Variants in SEC14L5 observed in about 807,000 individuals in gnomAD.
SEC14L5 encodes the protein SEC14-like protein 5.
SEC14L5 carries 96 observed loss-of-function variants against 84.6 expected under a neutral mutation model. That is an observed-to-expected ratio of 1.13 (90% CI 0.96 to 1.34). The LOEUF (loss-of-function observed/expected upper bound fraction) is 1.34, where lower values mean the gene tolerates loss of function less well. Ranked by LOEUF, SEC14L5 falls within the 40% of genes most tolerant of loss-of-function variation. The pLI, the probability that SEC14L5 is intolerant of heterozygous loss-of-function variation, is 0.00. For synonymous variants in SEC14L5, 546 were observed against 383.4 expected, an observed-to-expected ratio of 1.42 and a Z score of -4.95; for missense variants, 1,224 against 942.5, an observed-to-expected ratio of 1.30 and a Z score of -3.91.
chr16:4,966,751 A>T (rs1050077564), intron 2 of SEC14L5, among the ~76,000 whole-genome samples: 2 of 152,008 alleles, frequency 1.3e-5, no homozygotes, highest in Non-Finnish European at 2.9e-5. Flanking sequence ...CTCAATTTAC[A>T]CCCCAACTAT....
At chr16:5,013,012 C>G (rs767152529) in intron 15 of SEC14L5, among the ~76,000 whole-genome samples, 5 of 151,848 alleles carry the variant, frequency 3.3e-5, no homozygotes, top group Non-Finnish European at 7.4e-5. Context: ...ACTATCATGG[C>G]GGAAGGCAAA....
chr16:4,972,336 C>T (rs1955289583), intron 2 of SEC14L5, among the ~76,000 whole-genome samples: 1 of 152,082 alleles, frequency 6.6e-6, no homozygotes, highest in Admixed American at 6.6e-5. Context: ...ATGAAATACA[C>T]GTAACATAAA....
chr16:4,990,828 C>T lies in SEC14L5; in HGVS notation c.407C>T (p.Ser136Phe). 6.2e-7 allele frequency: 1 copy of T among 1,612,016 alleles called. No homozygotes were observed. Among genetic ancestry groups the T allele is most frequent in the Non-Finnish European group, 8.5e-7 (1 of 1,178,928 alleles). The change falls in exon 5 of 16, where the codon TCT becomes TTT. Residue 136 changes from serine to phenylalanine, a missense_variant. Transcript: ENST00000251170. ...CAGTCTGCCTCACTGGACATTCGGT[C>T]TTTCTTTGGCTTTGAAAATGCCTTG... ...FEQSASLDIR[S>F]FFGFENALEK...
chr16:4,981,379 T>C, intron 2 of SEC14L5, among the ~76,000 whole-genome samples: 1 of 148,680 alleles, frequency 6.7e-6, no homozygotes, highest in East Asian at 2.0e-4. Flanking sequence ...CCCAAAGTGC[T>C]GGGATTACAG....
In SEC14L5 at chr16:5,018,931, C is replaced by T. The variant is rs1955903585; in HGVS notation, c.*3961C>T. The T allele has an allele frequency of 6.6e-6, 1 of 152,148 alleles. No individual in the cohort carries two copies. The highest frequency in any genetic ancestry group is 1.5e-5 in the Non-Finnish European group (1 of 68,036). 9.4% of individuals were successfully genotyped at this position (152,148 alleles called of 1,614,324 possible). ...CGATGGGTTTTTTTGTTTGCCTGAT[C>T]ACTTGCTCCAACCAGCAGCATTAAA... On this transcript the variant is annotated 3_prime_UTR_variant, in exon 16 of 16. Transcript: ENST00000251170.
rs966714843 is a variant in SEC14L5, at chr16:4,990,836, G to C, written c.415G>C (p.Gly139Arg). ...CTCACTGGACATTCGGTCTTTCTTTGGCTTTGAAAATGCCTTGGAGAAGAT... is the reference window on the plus strand; with the variant it reads ...CTCACTGGACATTCGGTCTTTCTTTCGCTTTGAAAATGCCTTGGAGAAGAT... ...SASLDIRSFFGFENALEKIAM... is the reference protein window; with the variant it reads ...SASLDIRSFFRFENALEKIAM... The change falls in exon 5 of 16, where the codon GGC becomes CGC. Residue 139 changes from glycine (G) to arginine (R), a missense_variant. Gly to Arg is a moderately radical substitution (Grantham distance 125, BLOSUM62 -2). Coordinates refer to ENST00000251170, the MANE Select transcript of SEC14L5 (RefSeq NM_014692.2). 14 of 1,611,928 alleles carry C rather than the reference G, an allele frequency of 8.7e-6. No individual in the cohort carries two copies. Among genetic ancestry groups the C allele is most frequent in the Non-Finnish European group, 9.3e-6 (11 of 1,178,972 alleles).
chr16:5,003,387 CTA>C lies in SEC14L5; in HGVS notation c.1131-13_1131-12del. The stretch of plus-strand genomic sequence containing the variant: ...GCAGCAGAGCCAGGTGGAGCTGGGG[CTA>C]TTTCTGCCACAGCTCCTGGACCTGC... On this transcript the variant is annotated splice_polypyrimidine_tract_variant and intron_variant, in intron 10 of 15. Coordinates refer to ENST00000251170, the MANE Select transcript of SEC14L5 (RefSeq NM_014692.2). 6.2e-7 allele frequency: 1 copy of C among 1,608,102 alleles called. No individual in the cohort carries two copies. Among genetic ancestry groups the C allele is most frequent in the Non-Finnish European group, 8.5e-7 (1 of 1,177,108 alleles).
chr16:4,996,465 G>A lies in SEC14L5; in HGVS notation c.780+5G>A. ...CAGGAGACCCACAAAGGCAAGGTGG[G>A]TGCAGGGGGTACCCTGGAGCAGTGG... On this transcript the variant is annotated splice_donor_5th_base_variant and intron_variant, in intron 7 of 15. Coordinates refer to ENST00000251170, the MANE Select transcript of SEC14L5 (RefSeq NM_014692.2). 6.6e-7 allele frequency: 1 copy of A among 1,519,098 alleles called. No individual in the cohort carries two copies. The highest frequency in any genetic ancestry group is 9.0e-7 in the Non-Finnish European group (1 of 1,115,268). The allele number at this position is 1,519,098 out of a possible 1,614,324, so 94.1% of individuals were successfully genotyped here. A position where few individuals can be genotyped will look rare whatever the true frequency, so the allele number is the denominator to read the frequency against.
chr16:4,993,539 C>T (rs910634169), intron 6 of SEC14L5, among the ~76,000 whole-genome samples: 4 of 152,170 alleles, frequency 2.6e-5, no homozygotes, highest in Non-Finnish European at 4.4e-5. Flanking sequence ...TGCCCATGGC[C>T]TTGATTATTT....
intron 3 of SEC14L5, among the ~76,000 whole-genome samples, 165 bp from the exon 4 acceptor site, chr16:4,987,984 G>C (rs2142503139): frequency 6.6e-6 from 1 of 152,088 alleles, no homozygotes; most frequent in East Asian, 1.9e-4. Context: ...CGGCAGGGCG[G>C]AAGTCGGGGG....
chr16:5,009,064 A>G (rs1399075361), intron 14 of SEC14L5, among the ~76,000 whole-genome samples: 1 of 152,186 alleles, frequency 6.6e-6, no homozygotes, highest in African/African-American at 2.4e-5. Flanking sequence ...CAAGTCCAAA[A>G]CCAAGGTGTT....
chr16:5,009,357 A>C (rs953069860), intron 14 of SEC14L5, among the ~76,000 whole-genome samples: 1 of 152,072 alleles, frequency 6.6e-6, no homozygotes, highest in Non-Finnish European at 1.5e-5. Flanking sequence ...TGATCAGGAA[A>C]CTTTTGCGGG....
rs529935379 is a variant in SEC14L5, at chr16:4,997,189, C to A, written c.970+145C>A. On this transcript the variant is annotated intron_variant, in intron 8 of 15. Transcript: ENST00000251170. ...TCTCGGCTCACCATAATCTCCGCTT[C>A]CCGGGTTCAAGCAATTCTCCTGCCT... The A allele has an allele frequency of 2.2e-4, 123 of 560,842 alleles. 3 individuals carry two copies. In the South Asian group the frequency reaches 3.5e-3, roughly 16 times the overall value. 34.7% of individuals were successfully genotyped at this position (560,842 alleles called of 1,614,324 possible).
chr16:5,018,715 G>A lies in SEC14L5; in HGVS notation c.*3745G>A, dbSNP rs967098251. 20 of 152,172 alleles carry A rather than the reference G, an allele frequency of 1.3e-4. No individual in the cohort carries two copies. Among genetic ancestry groups the A allele is most frequent in the African/African-American group, 4.8e-4 (20 of 41,424 alleles). 9.4% of individuals were successfully genotyped at this position (152,172 alleles called of 1,614,324 possible). A position where few individuals can be genotyped will look rare whatever the true frequency, so the allele number is the denominator to read the frequency against. Reference sequence around the variant, plus strand: ...TCTGGGTAAGTCCACCCATCTGAGGGAGTGTATTCTGAGTGGTATTTCCCT... The same window carrying A: ...TCTGGGTAAGTCCACCCATCTGAGGAAGTGTATTCTGAGTGGTATTTCCCT... On this transcript the variant is annotated 3_prime_UTR_variant, in exon 16 of 16. Coordinates refer to ENST00000251170, the MANE Select transcript of SEC14L5 (RefSeq NM_014692.2).
Position 4,982,224 on chromosome 16 carries a change from G to A in SEC14L5, c.64-5333G>A, listed in dbSNP as rs370774368. ...TCTTCCTCGGCCCCCCCCTCCCCCC[G>A]CCTCTCTTCCTGGGAGCCAGGAGGG... is the stretch of plus-strand genomic sequence containing the variant. On this transcript the variant is annotated intron_variant, in intron 2 of 15. Coordinates refer to ENST00000251170, the MANE Select transcript of SEC14L5 (RefSeq NM_014692.2). Among the ~76,000 whole-genome samples the A allele has an allele frequency of 1.2e-3, 175 of 151,886 alleles. 1 individual carries two copies. The highest frequency in any genetic ancestry group is 1.9e-3 in the Non-Finnish European group (129 of 67,798).
rs1955793645 is a variant in SEC14L5, at chr16:5,011,035, G to T, written c.1801-60G>T. On this transcript the variant is annotated intron_variant, in intron 14 of 15. Transcript: ENST00000251170. Reference sequence around the variant, plus strand: ...GTGATGAGAAGCCCATGAAGGCTCAGCCTCCTTGACCTGTCCTCTGGAGGG... The same window carrying T: ...GTGATGAGAAGCCCATGAAGGCTCATCCTCCTTGACCTGTCCTCTGGAGGG... 6.0e-6 allele frequency: 9 copies of T among 1,494,316 alleles called. No individual in the cohort carries two copies. The South Asian group carries it at 1.1e-4, about 19-fold the overall frequency. The allele number at this position is 1,494,316 out of a possible 1,614,324, so 92.6% of individuals were successfully genotyped here. A position where few individuals can be genotyped will look rare whatever the true frequency, so the allele number is the denominator to read the frequency against.
intron 6 of SEC14L5, among the ~76,000 whole-genome samples, chr16:4,995,544 G>A (rs1596633440): frequency 6.6e-6 from 1 of 151,924 alleles, no homozygotes; most frequent in Non-Finnish European, 1.5e-5. Flanking sequence ...CACCTCCTTT[G>A]TGCTGGGTGC....
At position 4,991,960 on chromosome 16, in the gene SEC14L5, C is replaced by T. The variant is rs748877589; in HGVS notation, c.597C>T (p.Asp199=). 8.8e-6 allele frequency: 14 copies of T among 1,594,772 alleles called. No homozygotes were observed. The highest frequency in any genetic ancestry group is 8.0e-5 in the African/African-American group (6 of 74,722). The stretch of plus-strand genomic sequence containing the variant: ...CCCGCAACCAGGCTGGACCGAGGGA[C>T]CCCAGCTCCCTGGAGGCCCACGGGC... ...EDARNQAGPR[D]PSSLEAHGPR... Residue 199 remains aspartate, a synonymous_variant, in exon 6 of 16, where the codon GAC becomes GAT. Coordinates refer to ENST00000251170, the MANE Select transcript of SEC14L5 (RefSeq NM_014692.2).
chr16:5,002,205 G>C (rs1955684878), intron 10 of SEC14L5, among the ~76,000 whole-genome samples: 2 of 152,098 alleles, frequency 1.3e-5, no homozygotes, highest in African/African-American at 2.4e-5. Context: ...AAACAGCCCT[G>C]TGAGACACGG....
Sources: gnomAD v4.1 joint callset for allele counts (sites outside exome capture counted in the v4.1 genomes callset) on GRCh38, gnomAD v4.1.1 for gene constraint, MANE v1.5 for transcripts, NCBI Gene and HGNC (gene_info 2026-07-23, HGNC 2026-07-21) for gene names.